The following ARHGEF28 variants were observed in gnomAD, a reference collection of about 807,000 sequenced individuals.
ARHGEF28 encodes 190 kDa guanine nucleotide exchange factor.
Under a neutral mutation model 206.6 loss-of-function variants are expected in ARHGEF28, and 152 were observed. The observed-to-expected ratio is 0.74, with a 90% CI of 0.64 to 0.84. The LOEUF (loss-of-function observed/expected upper bound fraction) is 0.84. ARHGEF28 is among the 40% of genes least tolerant of loss of function. The pLI, the probability that ARHGEF28 is intolerant of heterozygous loss-of-function variation, is 0.00. For synonymous variants in ARHGEF28, 763 were observed against 776.4 expected, an observed-to-expected ratio of 0.98 and a Z score of 0.29; for missense variants, 2,028 against 2,073.2, an observed-to-expected ratio of 0.98 and a Z score of 0.42.
intron 2 of ARHGEF28, among the ~76,000 whole-genome samples, chr5:73,692,991 T>C (rs1747936031): frequency 6.6e-6 from 1 of 152,210 alleles, no homozygotes; most frequent in Admixed American, 6.5e-5. Flanking sequence ...GAGGGCATCT[T>C]GGGGACCTTT....
intron 1 of ARHGEF28, among the ~76,000 whole-genome samples, chr5:73,660,164 T>G (rs1745498286): frequency 6.6e-6 from 1 of 152,220 alleles, no homozygotes; most frequent in Non-Finnish European, 1.5e-5. Context: ...TTATGTAATA[T>G]TCTAAATTTT....
At chr5:73,833,640 G>A (rs1757431863) in intron 10 of ARHGEF28, among the ~76,000 whole-genome samples, 1 of 152,156 alleles carries the variant, frequency 6.6e-6, no homozygotes, top group Non-Finnish European at 1.5e-5. Flanking sequence ...GACACAGGAT[G>A]TGTTAGTCCC....
At chr5:73,709,773 C>A (rs933138269) in intron 2 of ARHGEF28, among the ~76,000 whole-genome samples, 2 of 152,182 alleles carry the variant, frequency 1.3e-5, no homozygotes, top group Non-Finnish European at 2.9e-5. Context: ...GCTCATAGAG[C>A]CTCCAGTGGT....
intron 11 of ARHGEF28, among the ~76,000 whole-genome samples, chr5:73,845,312 A>G (rs574487984): frequency 5.3e-5 from 8 of 152,192 alleles, no homozygotes; most frequent in Admixed American, 1.3e-4. Context: ...CACTGCGCCC[A>G]GCCTCAGAAT....
At chr5:73,911,031 T>C (rs985069376) in intron 34 of ARHGEF28, among the ~76,000 whole-genome samples, 2 of 152,350 alleles carry the variant, frequency 1.3e-5, no homozygotes, top group South Asian at 4.1e-4. Context: ...TGGAAACACT[T>C]TAATGTCATA....
At chr5:73,728,689 A>T (rs1463551832) in intron 2 of ARHGEF28, among the ~76,000 whole-genome samples, 1 of 152,110 alleles carries the variant, frequency 6.6e-6, no homozygotes, top group Non-Finnish European at 1.5e-5. Flanking sequence ...AACGTTTCTC[A>T]TTGGAGAACC....
intron 1 of ARHGEF28, among the ~76,000 whole-genome samples, chr5:73,655,305 A>G (rs1490050775): frequency 6.7e-6 from 1 of 149,554 alleles, no homozygotes; most frequent in Non-Finnish European, 1.5e-5. Flanking sequence ...GTGGAGACTT[A>G]CAAGAGTGAC....
chr5:73,768,182 G>A (rs1753012906), intron 4 of ARHGEF28, among the ~76,000 whole-genome samples: 1 of 151,994 alleles, frequency 6.6e-6, no homozygotes, highest in Non-Finnish European at 1.5e-5. Context: ...CTCTGCTAGG[G>A]TAGTGTGGAT....
chr5:73,738,053 A>G (rs1278578548), intron 2 of ARHGEF28, among the ~76,000 whole-genome samples: 1 of 152,220 alleles, frequency 6.6e-6, no homozygotes, highest in Non-Finnish European at 1.5e-5. Flanking sequence ...GAGAAGAGAC[A>G]AGACAATGGA....
chr5:73,748,043 G>C (rs530780017), intron 2 of ARHGEF28, among the ~76,000 whole-genome samples: 1 of 152,026 alleles, frequency 6.6e-6, no homozygotes, highest in Non-Finnish European at 1.5e-5. Context: ...AAAAAATCAC[G>C]AACAGGTCAG....
chr5:73,876,570 C>G (rs1412950956), intron 22 of ARHGEF28, among the ~76,000 whole-genome samples: 19 of 147,176 alleles, frequency 1.3e-4, no homozygotes. Flanking sequence ...TCATAGATAG[C>G]TCTTATTATT....
At position 73,941,951 on chromosome 5, in the gene ARHGEF28, C is replaced by G. The variant is rs1421010300; in HGVS notation, c.*938C>G. 6.6e-6 allele frequency: 1 copy of G among 152,140 alleles called. No individual in the cohort carries two copies. Among genetic ancestry groups the G allele is most frequent in the East Asian group, 1.9e-4 (1 of 5,190 alleles). 9.4% of individuals were successfully genotyped at this position (152,140 alleles called of 1,614,324 possible). A position where few individuals can be genotyped will look rare whatever the true frequency, so the allele number is the denominator to read the frequency against. On this transcript the variant is annotated 3_prime_UTR_variant, in exon 36 of 36. Coordinates refer to ENST00000513042, the MANE Select transcript of ARHGEF28 (RefSeq NM_001177693.2). The stretch of plus-strand genomic sequence containing the variant: ...GATATTTTCATCTTGTTCGGAAATA[C>G]TTGTATGTATTTTGGTGTCAATAAA...
At chr5:73,832,247 A>T in intron 9 of ARHGEF28, 91 bp from the exon 10 acceptor site, 3 of 1,445,656 alleles carry the variant, frequency 2.1e-6, no homozygotes, top group Middle Eastern at 1.8e-4. Flanking sequence ...AATGCACTTG[A>T]CTTTTTTTCT....
At chr5:73,913,415 A>C (rs184299764) in intron 35 of ARHGEF28, among the ~76,000 whole-genome samples, 1 of 152,340 alleles carries the variant, frequency 6.6e-6, no homozygotes, top group African/African-American at 2.4e-5. Context: ...GGTGATAAGA[A>C]AGTGGATTGA....
Position 73,941,008 on chromosome 5 carries a change from C to A in ARHGEF28, c.5113C>A (p.Leu1705Ile). The change falls in exon 36 of 36, where the codon CTC becomes ATC. Residue 1705 changes from leucine (L) to isoleucine (I), a missense_variant. Physicochemically the swap from Leu to Ile is conservative, Grantham distance 5. Transcript: ENST00000513042. The part of the protein sequence containing the change: ...GDGAKENIVY[L>I] ...TGGAGCCAAAGAAAATATTGTTTAC[C>A]TCTAATTGTGTTGTCATTTTTCCAA... 6.7e-7 allele frequency: 1 copy of A among 1,492,734 alleles called. No individual in the cohort carries two copies. Among genetic ancestry groups the A allele is most frequent in the Non-Finnish European group, 8.8e-7 (1 of 1,130,414 alleles). 92.5% of individuals were successfully genotyped at this position (1,492,734 alleles called of 1,614,324 possible).
chr5:73,706,525 G>A (rs1438831175), intron 2 of ARHGEF28, among the ~76,000 whole-genome samples: 1 of 152,168 alleles, frequency 6.6e-6, no homozygotes, highest in African/African-American at 2.4e-5. Flanking sequence ...CTCTGTGAGA[G>A]CAGAAACTTT....
chr5:73,862,662 T>C (rs952797644), intron 16 of ARHGEF28, among the ~76,000 whole-genome samples: 48 of 152,242 alleles, frequency 3.2e-4, no homozygotes, highest in Non-Finnish European at 2.4e-4. Flanking sequence ...TCCCTTATGT[T>C]TACTCTCCCC....
chr5:73,879,624 T>C (rs562014380), intron 22 of ARHGEF28, among the ~76,000 whole-genome samples: 1 of 152,360 alleles, frequency 6.6e-6, no homozygotes, highest in African/African-American at 2.4e-5. Flanking sequence ...CCTTTCTGTT[T>C]GTTAGTTTTC....
intron 9 of ARHGEF28, among the ~76,000 whole-genome samples, chr5:73,816,987 TAGG>T (rs142533820): frequency 2.8e-4 from 43 of 152,304 alleles, no homozygotes; most frequent in Non-Finnish European, 5.7e-4. Context: ...TTTTTTTAAA[TAGG>T]AGATTCAATC....
Sources: allele counts gnomAD v4.1 joint callset (sites outside exome capture counted in the v4.1 genomes callset), GRCh38; gene constraint gnomAD v4.1.1; transcripts MANE v1.5; gene names NCBI Gene and HGNC (gene_info 2026-07-23, HGNC 2026-07-21).